Variants in KCND3 observed in about 807,000 individuals in gnomAD.
The protein encoded by KCND3 is A-type voltage-gated potassium channel KCND3.
A neutral mutation model predicts 51.1 loss-of-function variants in KCND3; 9 were observed. The observed-to-expected ratio is 0.18, with a 90% CI of 0.11 to 0.31. KCND3 has a LOEUF of 0.31. KCND3 is among the 10% of genes least tolerant of loss of function. The pLI, the probability that KCND3 is intolerant of heterozygous loss-of-function variation, is 1.00. For missense variants in KCND3, 526 were observed against 903.8 expected (o/e 0.58, Z 5.36); for synonymous variants, 349 against 368.0 (o/e 0.95, Z 0.59).
chr1:111,801,571 C>T (rs1021391854), intron 2 of KCND3, among the ~76,000 whole-genome samples: 1 of 152,172 alleles, frequency 6.6e-6, no homozygotes, highest in Non-Finnish European at 1.5e-5. Flanking sequence ...GCGGTAGTGA[C>T]CAGAGGAGTC....
chr1:111,951,700 C>T (rs1350073450), intron 2 of KCND3, among the ~76,000 whole-genome samples: 1 of 152,112 alleles, frequency 6.6e-6, no homozygotes, highest in Non-Finnish European at 1.5e-5. Flanking sequence ...CAGACAATAA[C>T]CAAAAAGATA....
chr1:111,931,504 G>A (rs550210975), intron 2 of KCND3, among the ~76,000 whole-genome samples: 35 of 152,292 alleles, frequency 2.3e-4, no homozygotes, highest in African/African-American at 7.7e-4. Context: ...TAGTGTAGTC[G>A]CTGAAAGCAA....
intron 2 of KCND3, among the ~76,000 whole-genome samples, chr1:111,912,947 G>A (rs1007372507): frequency 6.6e-6 from 1 of 152,186 alleles, no homozygotes; most frequent in Admixed American, 6.5e-5. Flanking sequence ...AAACAATTTT[G>A]TAGTATAGCC....
At position 111,966,913 on chromosome 1, in the gene KCND3, G is replaced by A. The variant is rs187531209; in HGVS notation, c.1106+14708C>T. On this transcript the variant is annotated intron_variant, in intron 2 of 7. Transcript: ENST00000302127. Reference sequence around the variant, plus strand: ...CCCAGCACTTTGGGAGGCCAAGGTGGGCGGAACACCTGAGATCAGGAGTTT... The same window carrying A: ...CCCAGCACTTTGGGAGGCCAAGGTGAGCGGAACACCTGAGATCAGGAGTTT... Among the ~76,000 whole-genome samples the A allele has an allele frequency of 2.3e-3, 354 of 152,136 alleles. 2 individuals are homozygous for A. The highest frequency in any genetic ancestry group is 0.018 in the South Asian group (85 of 4,812).
At chr1:111,777,359 C>G in intron 6 of KCND3, 86 bp from the exon 7 acceptor site, 1 of 1,448,008 alleles carries the variant, frequency 6.9e-7, no homozygotes, top group East Asian at 2.3e-5. Flanking sequence ...CTGCCTGTCT[C>G]TGTTCTGGAC....
At chr1:111,874,277 T>A (rs1467083006) in intron 2 of KCND3, among the ~76,000 whole-genome samples, 1 of 152,222 alleles carries the variant, frequency 6.6e-6, no homozygotes, top group South Asian at 2.1e-4. Context: ...CCCTCTTGCA[T>A]GGACCGCTGA....
At chr1:111,901,886 G>A (rs1557708030) in intron 2 of KCND3, among the ~76,000 whole-genome samples, 1 of 152,096 alleles carries the variant, frequency 6.6e-6, no homozygotes, top group Non-Finnish European at 1.5e-5. Flanking sequence ...CTGACCAGAG[G>A]GGAACTTAGA....
intron 2 of KCND3, among the ~76,000 whole-genome samples, chr1:111,964,558 C>T (rs542627186): frequency 2.0e-5 from 3 of 152,294 alleles, no homozygotes; most frequent in African/African-American, 7.2e-5. Context: ...CAGGTGACCA[C>T]AATGGGAAGC....
intron 6 of KCND3, among the ~76,000 whole-genome samples, chr1:111,777,755 C>A (rs1409035592): frequency 1.3e-5 from 2 of 152,176 alleles, no homozygotes; most frequent in Non-Finnish European, 2.9e-5. Flanking sequence ...GGGTCATTCA[C>A]AGAATTGGGA....
intron 2 of KCND3, among the ~76,000 whole-genome samples, chr1:111,913,129 TA>T (rs146817334): frequency 0.25 from 38,080 of 152,142 alleles, 5,144 homozygotes; most frequent in Non-Finnish European, 0.31. Flanking sequence ...ACTGTATTTT[TA>T]CTGTACCTTT....
chr1:111,922,989 G>A (rs1057265821), intron 2 of KCND3, among the ~76,000 whole-genome samples: 1 of 152,206 alleles, frequency 6.6e-6, no homozygotes, highest in Non-Finnish European at 1.5e-5. Flanking sequence ...GATCATCCCT[G>A]CAGGCTTTGA....
intron 2 of KCND3, among the ~76,000 whole-genome samples, chr1:111,838,771 T>G (rs1667192237): frequency 6.6e-6 from 1 of 152,236 alleles, no homozygotes; most frequent in South Asian, 2.1e-4. Context: ...CCTTTTAAGA[T>G]GTTCTGTTGA....
At chr1:111,865,578 A>G (rs1668520156) in intron 2 of KCND3, among the ~76,000 whole-genome samples, 1 of 152,258 alleles carries the variant, frequency 6.6e-6, no homozygotes, top group Non-Finnish European at 1.5e-5. Flanking sequence ...AGACATAGAA[A>G]TAATGTCTCT....
intron 2 of KCND3, among the ~76,000 whole-genome samples, chr1:111,976,686 G>C (rs191086857): frequency 1.3e-5 from 2 of 152,222 alleles, no homozygotes; most frequent in African/African-American, 4.8e-5. Flanking sequence ...GAGGAGGCAA[G>C]AGAAGTGTAC....
intron 2 of KCND3, among the ~76,000 whole-genome samples, chr1:111,902,550 G>A (rs1670435826): frequency 6.6e-6 from 1 of 152,188 alleles, no homozygotes; most frequent in South Asian, 2.1e-4. Flanking sequence ...TTTGTAATGG[G>A]AGGGGTTTGT....
chr1:111,953,571 G>A (rs1280885529), intron 2 of KCND3, among the ~76,000 whole-genome samples: 4 of 152,222 alleles, frequency 2.6e-5, no homozygotes, highest in Non-Finnish European at 4.4e-5. Context: ...GAAGACAAGC[G>A]GAGAACCTGC....
intron 2 of KCND3, among the ~76,000 whole-genome samples, chr1:111,960,099 TC>T (rs1461790954): frequency 1.3e-5 from 2 of 151,924 alleles, no homozygotes; most frequent in African/African-American, 4.8e-5. Flanking sequence ...TCCTGAGGCC[TC>T]CCCAGCCATT....
At position 111,771,315 on chromosome 1, in the gene KCND3, AAC is replaced by A. The variant is rs1472247113; in HGVS notation, c.*4760_*4761del. 2 of 152,196 alleles carry A rather than the reference AAC, an allele frequency of 1.3e-5. No homozygotes were observed. The highest frequency in any genetic ancestry group is 3.9e-4 in the East Asian group (2 of 5,186). 9.4% of individuals were successfully genotyped at this position (152,196 alleles called of 1,614,324 possible). ...TTGGGCTCCGAGGGTCATGGGTCATAACAATGTTTTTCCTTCATCTAGTCATT... is the reference window on the plus strand; with the variant it reads ...TTGGGCTCCGAGGGTCATGGGTCATAAATGTTTTTCCTTCATCTAGTCATT... On this transcript the variant is annotated 3_prime_UTR_variant, in exon 8 of 8. Coordinates refer to ENST00000302127, the MANE Select transcript of KCND3 (RefSeq NM_001378969.1).
Position 111,973,146 on chromosome 1 carries a change from C to T in KCND3, c.1106+8475G>A, listed in dbSNP as rs187841406. 2.8e-4 allele frequency among the ~76,000 whole-genome samples: 42 copies of T among 152,308 alleles called. 1 individual carries two copies. In the East Asian group the frequency reaches 7.1e-3, roughly 26 times the overall value. On this transcript the variant is annotated intron_variant, in intron 2 of 7. Coordinates refer to ENST00000302127, the MANE Select transcript of KCND3 (RefSeq NM_001378969.1). ...TTGCCTTTTTAATTGTTTGGCTGAT[C>T]AGTTAATATTTGCATTTACAGTCTT...
Sources: gnomAD v4.1 joint callset for allele counts (sites outside exome capture counted in the v4.1 genomes callset) on GRCh38, gnomAD v4.1.1 for gene constraint, MANE v1.5 for transcripts, NCBI Gene and HGNC (gene_info 2026-07-23, HGNC 2026-07-21) for gene names.